Variants in CPEB2 observed in about 807,000 individuals in gnomAD.
CPEB2 encodes cytoplasmic polyadenylation element-binding protein 2.
CPEB2 carries 56 observed loss-of-function variants against 93.6 expected under a neutral mutation model. The ratio of observed to expected loss-of-function variants is 0.60; its 90% CI spans 0.48 to 0.75. The LOEUF (loss-of-function observed/expected upper bound fraction) is 0.75, where lower values mean the gene tolerates loss of function less well. Among genes scored for constraint, CPEB2 ranks in the 30% least tolerant of loss-of-function variants. The pLI is 0.00. For missense variants in CPEB2, 1,579 were observed against 1,395.1 expected, an observed-to-expected ratio of 1.13 and a Z score of -2.10; for synonymous variants, 764 against 586.3, an observed-to-expected ratio of 1.30 and a Z score of -4.38.
chr4:15,050,684 T>C (rs1421295786), intron 6 of CPEB2, among the ~76,000 whole-genome samples: 4 of 152,172 alleles, frequency 2.6e-5, no homozygotes, highest in Admixed American at 2.6e-4. Flanking sequence ...TTTCGTTCTT[T>C]TATTGGTTTT....
At chr4:15,055,986 T>C (rs1319057614) in intron 8 of CPEB2, among the ~76,000 whole-genome samples, 1 of 152,254 alleles carries the variant, frequency 6.6e-6, no homozygotes, top group Non-Finnish European at 1.5e-5. Flanking sequence ...GTGCTGTCTG[T>C]GTCTTTCACT....
At chr4:15,040,569 T>G in intron 6 of CPEB2, 82 bp downstream of exon 6, 1 of 1,248,902 alleles carries the variant, frequency 8.0e-7, no homozygotes, top group Non-Finnish European at 1.1e-6. Flanking sequence ...CTCTAGATTT[T>G]TCATGCAATA....
chr4:15,009,364 A>G (rs539008374), intron 3 of CPEB2, among the ~76,000 whole-genome samples: 69 of 152,334 alleles, frequency 4.5e-4, no homozygotes, highest in Admixed American at 4.4e-3. Context: ...ACCACTAACA[A>G]TTGTTTTAGC....
Position 15,003,340 on chromosome 4 carries a change from C to G in CPEB2, c.667C>G (p.Gln223Glu). The G allele has an allele frequency of 7.2e-7, 1 of 1,398,044 alleles. No homozygotes were observed. Among genetic ancestry groups the G allele is most frequent in the South Asian group, 1.7e-5 (1 of 60,606 alleles). The allele number at this position is 1,398,044 out of a possible 1,614,324, so 86.6% of individuals were successfully genotyped here. Residue 223 changes from glutamine to glutamate, a missense_variant, in exon 1 of 12, where the codon CAG (glutamine) becomes GAG (glutamate). Physicochemically the swap from Gln to Glu is conservative, Grantham distance 29 (BLOSUM62 2). Around this residue, in one of 2 missense-constraint regions of CPEB2, gnomAD observed 1,411 missense variants for 1,056.0 expected, o/e 1.34. Transcript: ENST00000538197. ...AGCCGGCCCGCTCCTCCAGCCGGCG[C>G]AGCTCGCTCAGCGCCAGCAGCAACA... ...PPAGPLLQPA[Q>E]LAQRQQQQPP...
At chr4:15,024,991 C>T (rs192148267) in intron 4 of CPEB2, among the ~76,000 whole-genome samples, 142 of 152,052 alleles carry the variant, frequency 9.3e-4, no homozygotes, top group East Asian at 5.8e-4. Context: ...GTGATCTGCC[C>T]GCTTCAGCCT....
chr4:15,050,232 T>G (rs546187096), intron 6 of CPEB2, among the ~76,000 whole-genome samples: 96 of 152,250 alleles, frequency 6.3e-4, no homozygotes, highest in African/African-American at 2.3e-3. Context: ...CACAGGAGCG[T>G]GAACCCTATT....
intron 4 of CPEB2, among the ~76,000 whole-genome samples, chr4:15,022,372 T>C (rs917879599): frequency 6.6e-6 from 1 of 152,144 alleles, no homozygotes; most frequent in South Asian, 2.1e-4. Context: ...GAAAAAGGGG[T>C]GCATTTCTCA....
At position 15,068,906 on chromosome 4, in the gene CPEB2, C is replaced by CTTTTG. The variant is rs201940049; in HGVS notation, c.*2541_*2545dup. 1 of 151,678 alleles carries CTTTTG rather than the reference C, an allele frequency of 6.6e-6. No individual in the cohort carries two copies. The highest frequency in any genetic ancestry group is 2.4e-5 in the African/African-American group (1 of 41,408). The allele number at this position is 151,678 out of a possible 1,614,324, so 9.4% of individuals were successfully genotyped here. A position where few individuals can be genotyped will look rare whatever the true frequency, so the allele number is the denominator to read the frequency against. On this transcript the variant is annotated 3_prime_UTR_variant, in exon 12 of 12. Coordinates refer to ENST00000538197, the MANE Select transcript of CPEB2 (RefSeq NM_001177382.2). ...TTCCTTTCCCACCTCACCCCTACCT[C>CTTTTG]TTTTGTTTTGTTTTGTTTTTGCCCT...
rs888795801 is a variant in CPEB2 at position 15,050,062 on chromosome 4, T to C, written c.2201-2352T>C. On this transcript the variant is annotated intron_variant, in intron 6 of 11. Coordinates refer to ENST00000538197, the MANE Select transcript of CPEB2 (RefSeq NM_001177382.2). ...ACATAAAACGGTCCGGTCCGTGGCC[T>C]GTTTGTTTAATATATAGACAGATAC... is the stretch of plus-strand genomic sequence containing the variant. Among the ~76,000 whole-genome samples, 25 of 152,208 alleles carry C rather than the reference T, an allele frequency of 1.6e-4. 1 individual carries two copies. Among genetic ancestry groups the C allele is most frequent in the Admixed American group, 1.3e-3 (20 of 15,282 alleles).
At chr4:15,051,312 A>G (rs186541891) in intron 6 of CPEB2, among the ~76,000 whole-genome samples, 23 of 152,308 alleles carry the variant, frequency 1.5e-4, no homozygotes, top group South Asian at 2.1e-4. Context: ...CTGTCATTCA[A>G]TGCTAAATAC....
intron 4 of CPEB2, among the ~76,000 whole-genome samples, chr4:15,021,636 G>A (rs1178935718): frequency 1.3e-5 from 2 of 152,128 alleles, no homozygotes; most frequent in Admixed American, 6.6e-5. Context: ...TGTAGTTTAT[G>A]TAACGGTTTG....
intron 3 of CPEB2, among the ~76,000 whole-genome samples, chr4:15,015,669 A>G (rs1724044989): frequency 6.6e-6 from 1 of 152,006 alleles, no homozygotes; most frequent in South Asian, 2.1e-4. Flanking sequence ...TGGAAAACTG[A>G]TGAAAGCTAT....
At position 15,004,092 on chromosome 4, in the gene CPEB2, C is replaced by T; in HGVS notation, c.1419C>T (p.Cys473=). Residue 473 remains cysteine, a synonymous_variant, in exon 1 of 12, where the codon TGC becomes TGT. Transcript: ENST00000538197. The stretch of plus-strand genomic sequence containing the variant: ...TCTCGCCCGTGTCGCCGCACGGCTG[C>T]ACTGGGCTCAGCGTTCCGACGAGCG... ...PSFSPVSPHG[C]TGLSVPTSGG... The T allele has an allele frequency of 6.4e-7, 1 of 1,563,952 alleles. No homozygotes were observed. Among genetic ancestry groups the T allele is most frequent in the Non-Finnish European group, 8.6e-7 (1 of 1,158,458 alleles).
intron 3 of CPEB2, chr4:15,010,704 A>G (rs940788335): frequency 2.6e-5 from 4 of 152,208 alleles, no homozygotes; most frequent in Non-Finnish European, 5.9e-5. Context: ...TTATCATCAT[A>G]TACAGTGTAA....
At chr4:15,049,595 T>G (rs1380211747) in intron 6 of CPEB2, among the ~76,000 whole-genome samples, 2 of 152,222 alleles carry the variant, frequency 1.3e-5, no homozygotes, top group Non-Finnish European at 2.9e-5. Flanking sequence ...TTCATTTTAT[T>G]GAGTAAAAAT....
chr4:15,017,173 CCTCTT>C lies in CPEB2; in HGVS notation c.2035-8_2035-4del, dbSNP rs1332120792. On this transcript the variant is annotated splice_polypyrimidine_tract_variant and intron_variant, in intron 3 of 11. Coordinates refer to ENST00000538197, the MANE Select transcript of CPEB2 (RefSeq NM_001177382.2). ...CTGCATAGATTATAATGTCTTTTTT[CCTCTT>C]CTCTTCCAGGATCGAAGTAGAATGT... 8 of 1,441,722 alleles carry C rather than the reference CCTCTT, an allele frequency of 5.5e-6. No individual in the cohort carries two copies. The highest frequency in any genetic ancestry group is 7.8e-6 in the Non-Finnish European group (8 of 1,031,442). 89.3% of individuals were successfully genotyped at this position (1,441,722 alleles called of 1,614,324 possible).
Position 15,002,814 on chromosome 4 carries a change from A to T in CPEB2, c.141A>T (p.Pro47=). 1 of 1,534,836 alleles carries T rather than the reference A, an allele frequency of 6.5e-7. No homozygotes were observed. The highest frequency in any genetic ancestry group is 2.5e-5 in the East Asian group (1 of 40,748). The change falls in exon 1 of 12, where the codon CCA becomes CCT. Residue 47 remains proline (P), a synonymous_variant. Coordinates refer to ENST00000538197, the MANE Select transcript of CPEB2 (RefSeq NM_001177382.2). The part of the protein sequence containing the change: ...NPLPSATPFG[P]LSPPPLPVTG... ...TGCCCTCCGCCACGCCCTTCGGCCC[A>T]CTGTCGCCACCACCGTTGCCTGTCA...
chr4:15,031,253 G>A (rs763032864), intron 4 of CPEB2, among the ~76,000 whole-genome samples: 2 of 151,454 alleles, frequency 1.3e-5, no homozygotes, highest in Non-Finnish European at 2.9e-5. Flanking sequence ...AGTGATACAG[G>A]TTGCCATTTT....
At chr4:15,006,010 G>A (rs972679822) in intron 1 of CPEB2, among the ~76,000 whole-genome samples, 19 of 152,074 alleles carry the variant, frequency 1.2e-4, no homozygotes, top group Admixed American at 7.9e-4. Context: ...ATTTGCTTTT[G>A]GACAAAAGAT....
Sources: allele counts gnomAD v4.1 joint callset (sites outside exome capture counted in the v4.1 genomes callset), GRCh38; gene constraint gnomAD v4.1.1; regional missense constraint gnomAD v4.1.1; transcripts MANE v1.5; gene names NCBI Gene and HGNC (gene_info 2026-07-23, HGNC 2026-07-21).